The following TRAFD1 variants were observed in gnomAD, a reference collection of about 807,000 sequenced individuals.
TRAFD1 encodes the protein TRAF-type zinc finger domain-containing protein 1.
In TRAFD1, 38 loss-of-function variants were observed where a neutral mutation model predicts 65.3. That is an observed-to-expected ratio of 0.58 (90% CI 0.45 to 0.76). TRAFD1 has a LOEUF of 0.76. Ranked by LOEUF, TRAFD1 falls within the 30% of genes least tolerant of loss-of-function variation. TRAFD1 has a pLI of 0.00. For missense variants in TRAFD1, 631 were observed against 712.6 expected, an observed-to-expected ratio of 0.89 and a Z score of 1.30; for synonymous variants, 223 against 257.2, an observed-to-expected ratio of 0.87 and a Z score of 1.27.
At chr12:112,140,419 C>CAA (rs548396276) in intron 4 of TRAFD1, among the ~76,000 whole-genome samples, 81 of 69,138 alleles carry the variant, frequency 1.2e-3, no homozygotes, top group East Asian at 9.0e-3. Flanking sequence ...GACACTGTCT[C>CAA]AAAAAAAAAA....
intron 1 of TRAFD1, among the ~76,000 whole-genome samples, chr12:112,129,515 T>C (rs1045120337): frequency 1.3e-5 from 2 of 152,174 alleles, no homozygotes; most frequent in Non-Finnish European, 2.9e-5. Context: ...TGGTGAAATT[T>C]GAATGAATTC....
chr12:112,128,087 T>C (rs978309754), intron 1 of TRAFD1, among the ~76,000 whole-genome samples: 1 of 152,030 alleles, frequency 6.6e-6, no homozygotes, highest in African/African-American at 2.4e-5. Flanking sequence ...AGTGGTGTGA[T>C]CCTGGCTTAC....
intron 6 of TRAFD1, among the ~76,000 whole-genome samples, chr12:112,143,819 G>A (rs1332523862): frequency 1.5e-5 from 2 of 137,472 alleles, no homozygotes; most frequent in Non-Finnish European, 3.0e-5. Context: ...TGCAGCCTCC[G>A]CCCCCAGGCC....
intron 1 of TRAFD1, among the ~76,000 whole-genome samples, chr12:112,129,715 T>C (rs1356390654): frequency 6.6e-6 from 1 of 152,206 alleles, no homozygotes; most frequent in Non-Finnish European, 1.5e-5. Flanking sequence ...CGATCTTGGC[T>C]CACTGCAACT....
At chr12:112,134,707 G>T (rs1300300874) in intron 2 of TRAFD1, 31 bp from the exon 3 acceptor site, 1 of 1,603,494 alleles carries the variant, frequency 6.2e-7, no homozygotes. Context: ...AGTCAGTAAT[G>T]CTTGCCTTTT....
Position 112,152,540 on chromosome 12 carries a change from A to G in TRAFD1, c.1692+41A>G. ...GCCCATGATGCTCAGTGGGGGACTCAGACATGGTGGGGCTTGTGTGGCTCC... is the reference window on the plus strand; with the variant it reads ...GCCCATGATGCTCAGTGGGGGACTCGGACATGGTGGGGCTTGTGTGGCTCC... On this transcript the variant is annotated intron_variant, in intron 11 of 11. Transcript: ENST00000412615. The surrounding 1 kb of genome is among the most constrained non-coding windows in gnomAD (Gnocchi z 5.0). 1 of 1,612,040 alleles carries G rather than the reference A, an allele frequency of 6.2e-7. No individual in the cohort carries two copies. The highest frequency in any genetic ancestry group is 8.5e-7 in the Non-Finnish European group (1 of 1,178,390).
intron 1 of TRAFD1, among the ~76,000 whole-genome samples, chr12:112,129,287 G>C (rs1025529071): frequency 7.5e-6 from 1 of 133,970 alleles, no homozygotes; most frequent in African/African-American, 2.8e-5. Context: ...CTGCAGCTTT[G>C]ACCTCCTGGG....
Position 112,152,863 on chromosome 12 carries a change from C to A in TRAFD1, c.*72C>A. ...CAGCACTTGCCGCTGTGCAGGCCCA[C>A]CTCTTTGGCTCTTTGGGTGGGAGAG... On this transcript the variant is annotated 3_prime_UTR_variant, in exon 12 of 12. Coordinates refer to ENST00000412615, the MANE Select transcript of TRAFD1 (RefSeq NM_006700.3). The surrounding 1 kb of genome is among the most constrained non-coding windows in gnomAD (Gnocchi z 5.0). 1 of 1,542,380 alleles carries A rather than the reference C, an allele frequency of 6.5e-7. No individual in the cohort carries two copies. Among genetic ancestry groups the A allele is most frequent in the South Asian group, 1.2e-5 (1 of 85,094 alleles).
chr12:112,138,419 G>A (rs560624370), intron 4 of TRAFD1, among the ~76,000 whole-genome samples: 3 of 151,302 alleles, frequency 2.0e-5, no homozygotes, highest in Non-Finnish European at 4.4e-5. Flanking sequence ...GCATGGTGCC[G>A]CATGCCTGTA....
chr12:112,138,598 C>A (rs1164366121), intron 4 of TRAFD1, among the ~76,000 whole-genome samples: 1 of 151,898 alleles, frequency 6.6e-6, no homozygotes, highest in African/African-American at 2.4e-5. Flanking sequence ...TGGCTCACGC[C>A]TGTAATCCCA....
Position 112,130,490 on chromosome 12 carries a change from G to A in TRAFD1, c.-12-21G>A. 1 of 1,597,278 alleles carries A rather than the reference G, an allele frequency of 6.3e-7. No individual in the cohort carries two copies. Among genetic ancestry groups the A allele is most frequent in the Admixed American group, 1.7e-5 (1 of 59,272 alleles). On this transcript the variant is annotated intron_variant, in intron 1 of 11. Transcript: ENST00000412615. This position sits in a 1 kb window ranked among gnomAD's most constrained non-coding sequence, Gnocchi z 4.4. The stretch of plus-strand genomic sequence containing the variant: ...AGCAGAAATGAAAGAGAAAGTTCAT[G>A]TCTTCCTTTGTGGTTTTCAGGAAGA...
intron 2 of TRAFD1, among the ~76,000 whole-genome samples, chr12:112,132,811 AAAT>A (rs1446039800): frequency 6.6e-6 from 1 of 152,240 alleles, no homozygotes; most frequent in African/African-American, 2.4e-5. Flanking sequence ...ATTAAAAGAG[AAAT>A]AAGCTATTTA....
intron 6 of TRAFD1, among the ~76,000 whole-genome samples, chr12:112,144,517 CA>C (rs1356044236): frequency 2.6e-5 from 4 of 152,264 alleles, no homozygotes; most frequent in Non-Finnish European, 5.9e-5. Context: ...GTAATCCACC[CA>C]CCTTGGCCTC....
chr12:112,138,575 A>T (rs1483479958), intron 4 of TRAFD1, among the ~76,000 whole-genome samples: 3 of 149,400 alleles, frequency 2.0e-5, no homozygotes, highest in Non-Finnish European at 3.0e-5. Flanking sequence ...AAAACAAAAA[A>T]TGCTGGGCGT....
intron 7 of TRAFD1, among the ~76,000 whole-genome samples, chr12:112,147,459 A>G (rs372932781): frequency 2.0e-5 from 3 of 152,270 alleles, no homozygotes; most frequent in South Asian, 4.2e-4. Context: ...TTTTGGGAGT[A>G]CCATAGAAAA....
rs183930837 is a variant in TRAFD1, at chr12:112,129,438, C to T, written c.-12-1073C>T. ...CTGATCTTAAACTCCTGGGTTCAAG[C>T]GATCCTCTTCAGCTCAGCCTCCCAA... is the stretch of plus-strand genomic sequence containing the variant. On this transcript the variant is annotated intron_variant, in intron 1 of 11. Coordinates refer to ENST00000412615, the MANE Select transcript of TRAFD1 (RefSeq NM_006700.3). 4.6e-5 allele frequency among the ~76,000 whole-genome samples: 7 copies of T among 151,894 alleles called. No individual in the cohort carries two copies. The East Asian group carries it at 5.8e-4, about 13-fold the overall frequency.
chr12:112,142,168 C>G lies in TRAFD1; in HGVS notation c.723C>G (p.Asp241Glu). 6.2e-7 allele frequency: 1 copy of G among 1,613,862 alleles called. No individual in the cohort carries two copies. The highest frequency in any genetic ancestry group is 2.2e-5 in the East Asian group (1 of 44,846). The change falls in exon 6 of 12, where the codon GAC becomes GAG. Residue 241 changes from aspartate (D) to glutamate (E), a missense_variant. Physicochemically the swap from Asp to Glu is conservative, Grantham distance 45. Coordinates refer to ENST00000412615, the MANE Select transcript of TRAFD1 (RefSeq NM_006700.3). Reference sequence around the variant, plus strand: ...GTGGTGAAGAGAGTGCAAACTTGGACTTCATGTTGGCCCTAAGTCTGCAAA... The same window carrying G: ...GTGGTGAAGAGAGTGCAAACTTGGAGTTCATGTTGGCCCTAAGTCTGCAAA... ...KEGGEESANL[D>E]FMLALSLQNE...
chr12:112,149,572 T>C lies in TRAFD1; in HGVS notation c.1159-179T>C, dbSNP rs1196764692. The C allele has an allele frequency of 1.2e-5, 8 of 688,114 alleles. No homozygotes were observed. The African/African-American group carries it at 1.3e-4, about 11-fold the overall frequency. The allele number at this position is 688,114 out of a possible 1,614,324, so 42.6% of individuals were successfully genotyped here. On this transcript the variant is annotated intron_variant, in intron 8 of 11. Transcript: ENST00000412615. ...AGAAAGTGTTTCTGTCAGTGCCTCA[T>C]GTGCCGATGGGATTGAATGCAACCA...
At chr12:112,126,571 A>C (rs1211382942) in intron 1 of TRAFD1, among the ~76,000 whole-genome samples, 1 of 152,104 alleles carries the variant, frequency 6.6e-6, no homozygotes, top group East Asian at 1.9e-4. Flanking sequence ...CTCTGGCCTT[A>C]GAGTTGGCCA....
Sources: allele counts gnomAD v4.1 joint callset (sites outside exome capture counted in the v4.1 genomes callset), GRCh38; gene constraint gnomAD v4.1.1; non-coding constraint Gnocchi (gnomAD v3.1); transcripts MANE v1.5; gene names NCBI Gene and HGNC (gene_info 2026-07-23, HGNC 2026-07-21).